Variants in FER observed in about 807,000 individuals in gnomAD.
FER encodes the protein FER tyrosine kinase, also known as tyrosine-protein kinase Fer.
Under a neutral mutation model 111.0 loss-of-function variants are expected in FER, and 63 were observed. The ratio of observed to expected loss-of-function variants is 0.57; its 90% CI spans 0.46 to 0.70. FER has a LOEUF of 0.70. Among genes scored for constraint, FER ranks in the 30% least tolerant of loss-of-function variants. The pLI, the probability that FER is intolerant of heterozygous loss-of-function variation, is 0.00. For missense variants in FER, 914 were observed against 954.0 expected (o/e 0.96, Z 0.55); for synonymous variants, 327 against 313.9 (o/e 1.04, Z -0.44).
At position 109,103,229 on chromosome 5, in the gene FER, A is replaced by G. The variant is rs564793891; in HGVS notation, c.2048+2710A>G. Reference sequence around the variant, plus strand: ...GCTTTGTGTCCAGCAAATTCTAGCAAAAATTTTAAATCTTCTTTAAATTTT... The same window carrying G: ...GCTTTGTGTCCAGCAAATTCTAGCAGAAATTTTAAATCTTCTTTAAATTTT... On this transcript the variant is annotated intron_variant, in intron 17 of 19. Transcript: ENST00000281092. Among the ~76,000 whole-genome samples the G allele has an allele frequency of 5.3e-5, 8 of 152,256 alleles. No homozygotes were observed. In the South Asian group the frequency reaches 1.0e-3, roughly 20 times the overall value.
chr5:109,087,450 T>C (rs1777690275), intron 16 of FER, among the ~76,000 whole-genome samples: 1 of 151,908 alleles, frequency 6.6e-6, no homozygotes, highest in Non-Finnish European at 1.5e-5. Flanking sequence ...ACTTATTCTA[T>C]TAATTATTGA....
At chr5:109,162,421 G>A (rs1254298173) in intron 17 of FER, among the ~76,000 whole-genome samples, 1 of 151,702 alleles carries the variant, frequency 6.6e-6, no homozygotes, top group Non-Finnish European at 1.5e-5. Context: ...AAAAATAAAG[G>A]CCAAAATGAA....
chr5:109,123,738 G>A (rs1387455615), intron 17 of FER, among the ~76,000 whole-genome samples: 3 of 151,676 alleles, frequency 2.0e-5, no homozygotes, highest in South Asian at 2.1e-4. Context: ...TTATATTATC[G>A]ATCAGACTGA....
chr5:109,007,064 CATT>C (rs1360526799), intron 13 of FER, among the ~76,000 whole-genome samples: 7 of 152,130 alleles, frequency 4.6e-5, no homozygotes, highest in African/African-American at 1.7e-4. Flanking sequence ...AAAATTGAGG[CATT>C]ATTTTTTAGA....
intron 2 of FER, among the ~76,000 whole-genome samples, chr5:108,769,877 C>T (rs1370458741): frequency 1.3e-5 from 2 of 152,110 alleles, no homozygotes; most frequent in Non-Finnish European, 2.9e-5. Flanking sequence ...GGAAATAAAG[C>T]ATCTGGCAAA....
At chr5:108,978,336 A>G (rs1241983868) in intron 13 of FER, among the ~76,000 whole-genome samples, 1 of 152,232 alleles carries the variant, frequency 6.6e-6, no homozygotes, top group African/African-American at 2.4e-5. Context: ...TTCTCCTGAC[A>G]ATCCTTTGCA....
intron 16 of FER, chr5:109,052,035 C>T: frequency 1.3e-6 from 2 of 1,594,860 alleles, no homozygotes; most frequent in South Asian, 1.1e-5. Flanking sequence ...CCTTACCATG[C>T]TCTTCAATAC....
At chr5:109,108,740 T>C (rs1749248821) in intron 17 of FER, among the ~76,000 whole-genome samples, 1 of 152,152 alleles carries the variant, frequency 6.6e-6, no homozygotes, top group South Asian at 2.1e-4. Flanking sequence ...CTAGTTAGTC[T>C]TGATCAAATT....
intron 16 of FER, among the ~76,000 whole-genome samples, chr5:109,096,160 A>C (rs1323012486): frequency 6.6e-6 from 1 of 152,086 alleles, no homozygotes; most frequent in Non-Finnish European, 1.5e-5. Flanking sequence ...AGGTGAGATC[A>C]AATTTTCACA....
At chr5:108,769,630 T>G (rs992446482) in intron 2 of FER, among the ~76,000 whole-genome samples, 1 of 152,072 alleles carries the variant, frequency 6.6e-6, no homozygotes, top group African/African-American at 2.4e-5. Flanking sequence ...GAATTTGAGA[T>G]GCATTTTTGT....
chr5:108,960,223 A>G (rs983539667), intron 13 of FER, among the ~76,000 whole-genome samples: 3 of 152,160 alleles, frequency 2.0e-5, no homozygotes, highest in Non-Finnish European at 4.4e-5. Context: ...GTCTGGATTT[A>G]GTGATTTGGA....
At chr5:109,024,785 T>C (rs1768440011) in intron 13 of FER, among the ~76,000 whole-genome samples, 1 of 152,130 alleles carries the variant, frequency 6.6e-6, no homozygotes, top group Admixed American at 6.5e-5. Context: ...CCATCTTGAA[T>C]TGATTTTTGT....
chr5:108,752,022 A>T (rs556947476), intron 1 of FER, among the ~76,000 whole-genome samples: 1 of 152,142 alleles, frequency 6.6e-6, no homozygotes, highest in East Asian at 1.9e-4. Context: ...GAATTTATAG[A>T]TCTCTGGATT....
At chr5:108,886,227 C>T (rs1747134278) in intron 9 of FER, among the ~76,000 whole-genome samples, 1 of 151,642 alleles carries the variant, frequency 6.6e-6, no homozygotes, top group African/African-American at 2.4e-5. Context: ...ATCTTTGCCT[C>T]TCTTTTTATC....
intron 13 of FER, among the ~76,000 whole-genome samples, chr5:108,982,345 G>A (rs1228260350): frequency 6.6e-6 from 1 of 152,156 alleles, no homozygotes; most frequent in Non-Finnish European, 1.5e-5. Flanking sequence ...GTAAAAGCAC[G>A]TGCATTCTAC....
intron 17 of FER, among the ~76,000 whole-genome samples, chr5:109,170,119 T>G (rs965314720): frequency 1.3e-5 from 2 of 152,220 alleles, no homozygotes; most frequent in Admixed American, 1.3e-4. Context: ...AATTTAGGTC[T>G]TAGTGTGACT....
chr5:109,156,302 T>G (rs1452117434), intron 17 of FER, among the ~76,000 whole-genome samples: 2 of 151,940 alleles, frequency 1.3e-5, no homozygotes, highest in Non-Finnish European at 2.9e-5. Flanking sequence ...GGGTTTTTCA[T>G]TAATAGAATG....
At chr5:108,750,129 G>T (rs539136478) in intron 1 of FER, among the ~76,000 whole-genome samples, 200 of 152,264 alleles carry the variant, frequency 1.3e-3, no homozygotes, top group African/African-American at 4.3e-3. Flanking sequence ...CTCCAGATAT[G>T]TTAAGATAAT....
chr5:108,934,952 C>T (rs992112865), intron 10 of FER, among the ~76,000 whole-genome samples: 3 of 151,992 alleles, frequency 2.0e-5, no homozygotes, highest in Admixed American at 6.6e-5. Context: ...AAGAAAAAAG[C>T]GTATATGCAC....
Sources: gnomAD v4.1 joint callset for allele counts (sites outside exome capture counted in the v4.1 genomes callset) on GRCh38, gnomAD v4.1.1 for gene constraint, MANE v1.5 for transcripts, NCBI Gene and HGNC (gene_info 2026-07-23, HGNC 2026-07-21) for gene names.